SLC24A3: variants seen among roughly 807,000 people sequenced by gnomAD.
The protein encoded by SLC24A3 is solute carrier family 24 member 3, also known as sodium/potassium/calcium exchanger 3.
SLC24A3 carries 28 observed loss-of-function variants against 75.8 expected under a neutral mutation model. That is an observed-to-expected ratio of 0.37 (90% CI 0.27 to 0.51). The LOEUF is 0.51. SLC24A3 is among the 20% of genes least tolerant of loss of function. SLC24A3 has a pLI of 0.94. For missense variants in SLC24A3, 663 were observed against 847.8 expected (o/e 0.78, Z 2.71); for synonymous variants, 372 against 334.1 (o/e 1.11, Z -1.24).
At chr20:19,638,623 G>C (rs1285941381) in intron 6 of SLC24A3, among the ~76,000 whole-genome samples, 4 of 152,084 alleles carry the variant, frequency 2.6e-5, no homozygotes, top group Non-Finnish European at 5.9e-5. Context: ...CAATGCATTT[G>C]ATCCTCATAA....
intron 1 of SLC24A3, among the ~76,000 whole-genome samples, chr20:19,231,006 G>A (rs1292945945): frequency 1.3e-5 from 2 of 152,176 alleles, no homozygotes; most frequent in African/African-American, 4.8e-5. Context: ...CTCTGTCTTA[G>A]TATTTTTTAG....
chr20:19,709,342 A>T (rs908318024), intron 15 of SLC24A3, among the ~76,000 whole-genome samples: 1 of 152,018 alleles, frequency 6.6e-6, no homozygotes, highest in African/African-American at 2.4e-5. Context: ...CCTCAGGGAG[A>T]TGGGGGGATG....
intron 2 of SLC24A3, among the ~76,000 whole-genome samples, chr20:19,311,021 C>G (rs1984443259): frequency 6.6e-6 from 1 of 151,606 alleles, no homozygotes; most frequent in Non-Finnish European, 1.5e-5. Flanking sequence ...GCTTCCATCC[C>G]TCCTTCCCTT....
At chr20:19,531,057 G>T (rs1052384607) in intron 3 of SLC24A3, among the ~76,000 whole-genome samples, 1 of 151,876 alleles carries the variant, frequency 6.6e-6, no homozygotes, top group Admixed American at 6.6e-5. Context: ...GGTTGCCTGT[G>T]GTTCAGCCTA....
At chr20:19,536,970 T>G (rs1203680112) in intron 3 of SLC24A3, among the ~76,000 whole-genome samples, 3 of 152,144 alleles carry the variant, frequency 2.0e-5, no homozygotes, top group Non-Finnish European at 4.4e-5. Flanking sequence ...GCATGGGCAA[T>G]GACTTCATGT....
intron 7 of SLC24A3, among the ~76,000 whole-genome samples, chr20:19,659,049 C>T (rs142367021): frequency 3.3e-5 from 5 of 152,332 alleles, no homozygotes; most frequent in African/African-American, 1.2e-4. Context: ...TTTTACCTTT[C>T]GTCTCTGCTG....
In SLC24A3 at chr20:19,687,727, C is replaced by T. The variant is rs545745006; in HGVS notation, c.1324+2366C>T. On this transcript the variant is annotated intron_variant, in intron 12 of 16. Coordinates refer to ENST00000328041, the MANE Select transcript of SLC24A3 (RefSeq NM_020689.4). ...CAAGTCTGGCCCAGTGCCTGGGCCTCGTTACTGATTGGGACCAAGCACCCC... is the reference window on the plus strand; with the variant it reads ...CAAGTCTGGCCCAGTGCCTGGGCCTTGTTACTGATTGGGACCAAGCACCCC... Among the ~76,000 whole-genome samples, 13 of 152,266 alleles carry T rather than the reference C, an allele frequency of 8.5e-5. No homozygotes were observed. The East Asian group carries it at 1.7e-3, about 20-fold the overall frequency.
At chr20:19,494,160 C>T (rs1988247853) in intron 2 of SLC24A3, among the ~76,000 whole-genome samples, 1 of 152,174 alleles carries the variant, frequency 6.6e-6, no homozygotes, top group Admixed American at 6.5e-5. Flanking sequence ...AGAGATGCTG[C>T]CTGTGTTATC....
At chr20:19,483,154 C>T (rs1337139927) in intron 2 of SLC24A3, among the ~76,000 whole-genome samples, 1 of 152,174 alleles carries the variant, frequency 6.6e-6, no homozygotes, top group Non-Finnish European at 1.5e-5. Context: ...AATGATCAGT[C>T]CTGATTCATT....
At chr20:19,248,057 T>C (rs1982546222) in intron 1 of SLC24A3, among the ~76,000 whole-genome samples, 1 of 152,192 alleles carries the variant, frequency 6.6e-6, no homozygotes, top group Non-Finnish European at 1.5e-5. Context: ...AAAACCTACA[T>C]AGGTTTGTTG....
intron 12 of SLC24A3, 76 bp from the exon 13 acceptor site, chr20:19,693,183 G>A (rs1158675598): frequency 6.1e-6 from 9 of 1,467,324 alleles, no homozygotes; most frequent in Non-Finnish European, 8.2e-6. Flanking sequence ...ACACTTGGCA[G>A]AGCAAAGAAA....
rs1600345855 is a variant in SLC24A3 at position 19,696,786 on chromosome 20, G to A, written c.1492-11G>A. On this transcript the variant is annotated splice_polypyrimidine_tract_variant and intron_variant, in intron 13 of 16. Coordinates refer to ENST00000328041, the MANE Select transcript of SLC24A3 (RefSeq NM_020689.4). Reference sequence around the variant, plus strand: ...GACCCTCAGCTGACCACCTCTTCCTGCTCCTTCTAGGTCACAATCATTGGT... The same window carrying A: ...GACCCTCAGCTGACCACCTCTTCCTACTCCTTCTAGGTCACAATCATTGGT... 4.4e-6 allele frequency: 7 copies of A among 1,605,642 alleles called. No individual in the cohort carries two copies. Among genetic ancestry groups the A allele is most frequent in the Non-Finnish European group, 6.0e-6 (7 of 1,172,512 alleles).
At chr20:19,584,943 C>T in intron 4 of SLC24A3, 28 bp from the exon 5 acceptor site, 1 of 1,600,232 alleles carries the variant, frequency 6.2e-7, no homozygotes, top group Middle Eastern at 1.7e-4. Flanking sequence ...TCCCAACTCA[C>T]CTGTGCTTTG....
chr20:19,402,339 G>A (rs1986566477), intron 2 of SLC24A3, among the ~76,000 whole-genome samples: 1 of 152,168 alleles, frequency 6.6e-6, no homozygotes, highest in African/African-American at 2.4e-5. Flanking sequence ...ACAGGAATGT[G>A]AGTGAAGGAT....
At chr20:19,556,515 T>C (rs1455313539) in intron 3 of SLC24A3, among the ~76,000 whole-genome samples, 1 of 150,738 alleles carries the variant, frequency 6.6e-6, no homozygotes, top group Non-Finnish European at 1.5e-5. Context: ...TTATGCTGAA[T>C]TGAGAAAAAG....
intron 3 of SLC24A3, among the ~76,000 whole-genome samples, chr20:19,574,740 G>A (rs538029262): frequency 2.6e-5 from 4 of 152,308 alleles, no homozygotes; most frequent in South Asian, 2.1e-4. Context: ...TCTCACAACA[G>A]CCTTGTAAGC....
intron 2 of SLC24A3, among the ~76,000 whole-genome samples, chr20:19,379,859 G>A (rs1201696128): frequency 6.6e-6 from 1 of 152,112 alleles, no homozygotes; most frequent in East Asian, 1.9e-4. Flanking sequence ...TAAAGTATTT[G>A]TTCTATACGT....
chr20:19,504,793 A>G (rs533649481), intron 2 of SLC24A3, among the ~76,000 whole-genome samples: 1 of 152,256 alleles, frequency 6.6e-6, no homozygotes, highest in South Asian at 2.1e-4. Flanking sequence ...TACCATAAAT[A>G]TGTCACTTTC....
chr20:19,342,913 C>T (rs1292197017), intron 2 of SLC24A3, among the ~76,000 whole-genome samples: 1 of 151,590 alleles, frequency 6.6e-6, no homozygotes, highest in Non-Finnish European at 1.5e-5. Context: ...TACTAAAATA[C>T]AAAATAGTTA....
Sources: gnomAD v4.1 joint callset for allele counts (sites outside exome capture counted in the v4.1 genomes callset) on GRCh38, gnomAD v4.1.1 for gene constraint, MANE v1.5 for transcripts, NCBI Gene and HGNC (gene_info 2026-07-23, HGNC 2026-07-21) for gene names.